TBC1D9: variants seen among roughly 807,000 people sequenced by gnomAD.
TBC1D9 encodes TBC1 domain family member 9.
In TBC1D9, 63 loss-of-function variants were observed where a neutral mutation model predicts 132.0. That is an observed-to-expected ratio of 0.48 (90% CI 0.39 to 0.59). The LOEUF is 0.59. Ranked by LOEUF, TBC1D9 falls within the 20% of genes least tolerant of loss-of-function variation. The probability of loss-of-function intolerance (pLI) is 0.00; values close to 1 mark genes in which losing one functional copy is unlikely to be tolerated. For synonymous variants in TBC1D9, 610 were observed against 609.9 expected (o/e 1.00, Z 0.00); for missense variants, 1,261 against 1,592.7 (o/e 0.79, Z 3.54).
chr4:140,727,721 C>A (rs1359005549), intron 1 of TBC1D9, among the ~76,000 whole-genome samples: 2 of 151,880 alleles, frequency 1.3e-5, no homozygotes, highest in African/African-American at 4.8e-5. Context: ...TTGGTGCCTA[C>A]ATGTGATAAG....
chr4:140,633,834 T>C lies in TBC1D9; in HGVS notation c.2746+114A>G. On this transcript the variant is annotated intron_variant, in intron 16 of 20. Coordinates refer to ENST00000442267, the MANE Select transcript of TBC1D9 (RefSeq NM_015130.3). ...CTATGTTCATGAAAAACACATTTTA[T>C]AATCAGTTTGCAAACCTCCCCTTGT... The C allele has an allele frequency of 4.7e-6, 6 of 1,283,732 alleles. No homozygotes were observed. In the South Asian group the frequency reaches 7.3e-5, roughly 16 times the overall value. 79.5% of individuals were successfully genotyped at this position (1,283,732 alleles called of 1,614,324 possible).
chr4:140,705,861 C>T (rs1738142954), intron 1 of TBC1D9, among the ~76,000 whole-genome samples: 1 of 152,154 alleles, frequency 6.6e-6, no homozygotes, highest in Admixed American at 6.5e-5. Flanking sequence ...TCTTGATTGC[C>T]TAAGATAACG....
chr4:140,623,031 C>G (rs1211947357), intron 20 of TBC1D9, 114 bp from the exon 21 acceptor site: 1 of 1,304,308 alleles, frequency 7.7e-7, no homozygotes, highest in East Asian at 2.7e-5. Context: ...CTGGAAAGTC[C>G]TCCGCCTAGG....
At chr4:140,746,377 C>T (rs766400948) in intron 1 of TBC1D9, among the ~76,000 whole-genome samples, 3 of 152,088 alleles carry the variant, frequency 2.0e-5, no homozygotes, top group Non-Finnish European at 4.4e-5. Flanking sequence ...AAATTGCATG[C>T]AATTTTTTGG....
At chr4:140,624,945 G>A (rs573344572) in intron 18 of TBC1D9, among the ~76,000 whole-genome samples, 15 of 152,084 alleles carry the variant, frequency 9.9e-5, no homozygotes, top group African/African-American at 1.7e-4. Context: ...CCAGCTACTC[G>A]GGAGACTGAG....
chr4:140,639,374 G>C lies in TBC1D9; in HGVS notation c.2392C>G (p.Leu798Val), dbSNP rs772953642. 1 of 1,613,206 alleles carries C rather than the reference G, an allele frequency of 6.2e-7. No individual in the cohort carries two copies. Among genetic ancestry groups the C allele is most frequent in the South Asian group, 1.1e-5 (1 of 90,776 alleles). ...LIEQMRFKQR[L>V]KVIQTLEDTT... The stretch of plus-strand genomic sequence containing the variant: ...TCCTCCAGCGTCTGGATCACTTTCA[G>C]TCTCTGTTTGAATCTCATCTGTTCA... The change falls in exon 14 of 21, where the codon CTG becomes GTG. Residue 798 changes from leucine to valine, a missense_variant. Around this residue, in one of 3 missense-constraint regions of TBC1D9, gnomAD observed 618 missense variants for 724.4 expected, o/e 0.85. Transcript: ENST00000442267.
intron 13 of TBC1D9, among the ~76,000 whole-genome samples, chr4:140,651,938 C>A (rs1247991269): frequency 6.6e-6 from 1 of 152,162 alleles, no homozygotes; most frequent in Admixed American, 6.5e-5. Flanking sequence ...CTTATACAAT[C>A]TTAAATAAAG....
chr4:140,700,809 G>T (rs1382214082), intron 2 of TBC1D9: 1 of 151,250 alleles, frequency 6.6e-6, no homozygotes, highest in Non-Finnish European at 1.5e-5. Flanking sequence ...GACAGAGTGA[G>T]ACTCCGTCTG....
intron 1 of TBC1D9, among the ~76,000 whole-genome samples, 162 bp downstream of exon 1, chr4:140,755,754 A>C (rs952775495): frequency 1.3e-5 from 2 of 152,194 alleles, no homozygotes; most frequent in African/African-American, 4.8e-5. Context: ...ATCTCTGCCC[A>C]ACCTGAACAT....
intron 3 of TBC1D9, among the ~76,000 whole-genome samples, chr4:140,684,572 G>A (rs928733840): frequency 6.6e-6 from 1 of 151,862 alleles, no homozygotes; most frequent in Admixed American, 6.6e-5. Flanking sequence ...TGACATAATT[G>A]GTCTTTGTTT....
chr4:140,668,681 TA>T (rs1737485417), intron 9 of TBC1D9, among the ~76,000 whole-genome samples: 1 of 152,242 alleles, frequency 6.6e-6, no homozygotes, highest in East Asian at 1.9e-4. Flanking sequence ...GAAGTATTTA[TA>T]AAGACTCGAA....
rs1189274376 is a variant in TBC1D9 at position 140,621,960 on chromosome 4, A to G, written c.*235T>C. The stretch of plus-strand genomic sequence containing the variant: ...CTTTTTGTTTTTTAGAATTCACGAA[A>G]TAAACTGTATTCTGGTAAATCCCCT... On this transcript the variant is annotated 3_prime_UTR_variant, in exon 21 of 21. Transcript: ENST00000442267. 2 of 472,156 alleles carry G rather than the reference A, an allele frequency of 4.2e-6. No individual in the cohort carries two copies. Among genetic ancestry groups the G allele is most frequent in the Admixed American group, 7.9e-5 (2 of 25,402 alleles). The allele number at this position is 472,156 out of a possible 1,614,324, so 29.2% of individuals were successfully genotyped here.
chr4:140,627,320 A>T (rs1172165296), intron 18 of TBC1D9, 121 bp downstream of exon 18: 1 of 669,986 alleles, frequency 1.5e-6, no homozygotes. Flanking sequence ...AAAGTAACCA[A>T]TTAAGGCAAC....
At chr4:140,654,033 TAAGCTTTAATACTGTTAGGA>T (rs1191416514) in intron 13 of TBC1D9, among the ~76,000 whole-genome samples, 1 of 152,260 alleles carries the variant, frequency 6.6e-6, no homozygotes, top group Non-Finnish European at 1.5e-5. Flanking sequence ...TGCCACATAC[TAAGCTTTAATACTGTTAGGA>T]ATAACGCTCA....
intron 20 of TBC1D9, among the ~76,000 whole-genome samples, chr4:140,623,243 G>A (rs1438117443): frequency 1.3e-5 from 2 of 151,906 alleles, no homozygotes; most frequent in South Asian, 2.1e-4. Flanking sequence ...TAATCTTTGC[G>A]TTTTTTGTAG....
intron 2 of TBC1D9, among the ~76,000 whole-genome samples, chr4:140,694,581 A>G (rs970271159): frequency 6.6e-6 from 1 of 151,072 alleles, no homozygotes; most frequent in African/African-American, 2.4e-5. Flanking sequence ...AAAAAAAAAA[A>G]AAAAAGAAAA....
Position 140,657,735 on chromosome 4 carries a change from G to A in TBC1D9, c.1999C>T (p.Leu667=). ...AGGGAGATGGTGGAAATCACGCCCA[G>A]GTCTTGCATGCAGTCGTACAGCTGT... ...VPQLYDCMQD[L]GVISTISLSW... The change falls in exon 12 of 21, where the codon CTG becomes TTG. Residue 667 remains leucine (L), a synonymous_variant. Transcript: ENST00000442267. The A allele has an allele frequency of 6.2e-7, 1 of 1,614,038 alleles. No individual in the cohort carries two copies.
At chr4:140,735,461 C>T (rs887494457) in intron 1 of TBC1D9, among the ~76,000 whole-genome samples, 3 of 152,142 alleles carry the variant, frequency 2.0e-5, no homozygotes, top group African/African-American at 7.2e-5. Flanking sequence ...CCTGTAATTC[C>T]AATACTTTGG....
intron 10 of TBC1D9, among the ~76,000 whole-genome samples, chr4:140,660,156 T>G (rs1056457922): frequency 1.3e-5 from 2 of 152,236 alleles, no homozygotes; most frequent in African/African-American, 4.8e-5. Flanking sequence ...CTCCAGGCTC[T>G]CCTGAGAGAA....
Sources: allele counts gnomAD v4.1 joint callset (sites outside exome capture counted in the v4.1 genomes callset), GRCh38; gene constraint gnomAD v4.1.1; regional missense constraint gnomAD v4.1.1; transcripts MANE v1.5; gene names NCBI Gene and HGNC (gene_info 2026-07-23, HGNC 2026-07-21).